Variants in TAP2 observed in about 807,000 individuals in gnomAD.
The protein encoded by TAP2 is transporter 2, ATP binding cassette subfamily B member, also known as antigen peptide transporter 2.
TAP2 carries 49 observed loss-of-function variants against 74.7 expected under a neutral mutation model. The ratio of observed to expected loss-of-function variants is 0.66; its 90% CI spans 0.52 to 0.83. The LOEUF is 0.83. Ranked by LOEUF, TAP2 falls within the 40% of genes least tolerant of loss-of-function variation. The pLI, the probability that TAP2 is intolerant of heterozygous loss-of-function variation, is 0.00. For synonymous variants in TAP2, 306 were observed against 368.4 expected (o/e 0.83, Z 1.94); for missense variants, 739 against 859.0 (o/e 0.86, Z 1.75).
rs1768781180 is a variant in TAP2, at chr6:32,828,214, T to C, written c.*692A>G. On this transcript the variant is annotated 3_prime_UTR_variant, in exon 12 of 12. Coordinates refer to ENST00000374897, the MANE Select transcript of TAP2 (RefSeq NM_001290043.2). ...GATAATGATTAAAAACGATAATACA[T>C]GAAAAACACTTAGCATAGCTCCTAC... is the stretch of plus-strand genomic sequence containing the variant. 2.1e-6 allele frequency: 2 copies of C among 958,856 alleles called. No homozygotes were observed. The highest frequency in any genetic ancestry group is 2.5e-6 in the Non-Finnish European group (2 of 806,078). 59.4% of individuals were successfully genotyped at this position (958,856 alleles called of 1,614,324 possible).
chr6:32,830,844 C>G, intron 7 of TAP2, 38 bp from the exon 8 acceptor site: 1 of 1,564,100 alleles, frequency 6.4e-7, no homozygotes. Context: ...TAATTAAACA[C>G]ACTTCTACCA....
At chr6:32,824,744 T>C (rs946219093), downstream of TAP2, among the ~76,000 whole-genome samples, 1 of 152,176 alleles carries the variant, frequency 6.6e-6, no homozygotes, top group Non-Finnish European at 1.5e-5. Context: ...TTACCAAATG[T>C]GGCAGCATCT....
Position 32,832,266 on chromosome 6 carries a change from CA to C in TAP2, c.1272+66del. Reference sequence around the variant, plus strand: ...ATTGTTAAAAAGAACAAATAAAGCCCAAGGCCCAGGAGTCCACAAAGAAAAA... The same window carrying C: ...ATTGTTAAAAAGAACAAATAAAGCCCAGGCCCAGGAGTCCACAAAGAAAAA... On this transcript the variant is annotated intron_variant, in intron 7 of 11. Coordinates refer to ENST00000374897, the MANE Select transcript of TAP2 (RefSeq NM_001290043.2). The surrounding 1 kb of genome is among the most constrained non-coding windows in gnomAD (Gnocchi z 5.9). 6.2e-7 allele frequency: 1 copy of C among 1,609,592 alleles called. No individual in the cohort carries two copies. Among genetic ancestry groups the C allele is most frequent in the Non-Finnish European group, 8.5e-7 (1 of 1,178,034 alleles).
rs17220171 is a variant in TAP2, at chr6:32,827,130, A to G, written c.*1776T>C. The G allele has an allele frequency of 0.01, 10,176 of 985,654 alleles. 461 individuals are homozygous for G. In the African/African-American group the frequency reaches 0.13, roughly 12 times the overall value. The allele number at this position is 985,654 out of a possible 1,614,324, so 61.1% of individuals were successfully genotyped here. A position where few individuals can be genotyped will look rare whatever the true frequency, so the allele number is the denominator to read the frequency against. On this transcript the variant is annotated 3_prime_UTR_variant, in exon 12 of 12. Coordinates refer to ENST00000374897, the MANE Select transcript of TAP2 (RefSeq NM_001290043.2). ...ACAGCTGCCAGGCAAGAAAAAATCC[A>G]AAACAGCAGTTCTGGGGAATTCATT...
In TAP2 at chr6:32,835,312, A is replaced by G; in HGVS notation, c.787T>C (p.Trp263Arg). ...AGCACATTGGCATTTAAAGGAAGCC[A>G]GTTACTCATCAGGGTGGTATCCGAG... ...LSSDTTLMSN[W>R]LPLNANVLLR... The change falls in exon 5 of 12, where the codon TGG becomes CGG. Residue 263 changes from tryptophan to arginine, a missense_variant. Coordinates refer to ENST00000374897, the MANE Select transcript of TAP2 (RefSeq NM_001290043.2). The surrounding 1 kb of genome is among the most constrained non-coding windows in gnomAD (Gnocchi z 4.0). The G allele has an allele frequency of 6.2e-7, 1 of 1,613,110 alleles. No individual in the cohort carries two copies. The highest frequency in any genetic ancestry group is 8.5e-7 in the Non-Finnish European group (1 of 1,180,028).
downstream of TAP2, among the ~76,000 whole-genome samples, chr6:32,824,709 A>G (rs1373716671): frequency 6.6e-6 from 1 of 152,076 alleles, no homozygotes; most frequent in African/African-American, 2.4e-5. Context: ...ATTAGTTAAA[A>G]GTCAGTCTTA....
Position 32,837,772 on chromosome 6 carries a change from G to A in TAP2, c.462C>T (p.Ala154=). Residue 154 remains alanine (A), a synonymous_variant, in exon 2 of 12, where the codon GCC becomes GCT. Coordinates refer to ENST00000374897, the MANE Select transcript of TAP2 (RefSeq NM_001290043.2). The part of the protein sequence containing the change: ...LSRPDLPLLV[A]AFFFLVLAVL... Reference sequence around the variant, plus strand: ...CAGCAAGGACAAGGAAGAAGAAGGCGGCAACGAGGAGAGGCAGGTCCGGCC... The same window carrying A: ...CAGCAAGGACAAGGAAGAAGAAGGCAGCAACGAGGAGAGGCAGGTCCGGCC... 6.2e-7 allele frequency: 1 copy of A among 1,614,152 alleles called. No homozygotes were observed. Among genetic ancestry groups the A allele is most frequent in the South Asian group, 1.1e-5 (1 of 91,080 alleles).
chr6:32,829,320 C>A, intron 11 of TAP2, 80 bp downstream of exon 11: 1 of 1,545,962 alleles, frequency 6.5e-7, no homozygotes, highest in Non-Finnish European at 8.7e-7. Flanking sequence ...CGTCCTCCCT[C>A]TGCCCAATTC....
chr6:32,824,267 T>C (rs1353326309), downstream of TAP2, among the ~76,000 whole-genome samples: 1 of 152,176 alleles, frequency 6.6e-6, no homozygotes, highest in Non-Finnish European at 1.5e-5. Flanking sequence ...ATTATCACTA[T>C]GTAATGGCTG....
In TAP2 at chr6:32,835,637, C is replaced by T. The variant is rs1209890704; in HGVS notation, c.739+6G>A. On this transcript the variant is annotated splice_donor_region_variant and intron_variant, in intron 4 of 11. Coordinates refer to ENST00000374897, the MANE Select transcript of TAP2 (RefSeq NM_001290043.2). The surrounding 1 kb of genome is among the most constrained non-coding windows in gnomAD (Gnocchi z 4.0). The stretch of plus-strand genomic sequence containing the variant: ...GGGAATCTCAGACCTGGACTCCAGG[C>T]CCCACCTGTCTTAGTCTCCTGGAAG... 3.7e-6 allele frequency: 6 copies of T among 1,613,030 alleles called. No homozygotes were observed. The highest frequency in any genetic ancestry group is 5.1e-6 in the Non-Finnish European group (6 of 1,180,008).
chr6:32,837,618 A>C lies in TAP2; in HGVS notation c.527T>G (p.Val176Gly). ...AAAATCACCTCCCAGGATGTCAATC[A>C]CACGACCAGAATAGTGAGGGATTAA... ...ETLIPHYSGR[V>G]IDILGGDFDP... The change falls in exon 3 of 12, where the codon GTG becomes GGG. Residue 176 changes from valine (V) to glycine (G), a missense_variant. Val to Gly is a moderately radical substitution (Grantham distance 109). Transcript: ENST00000374897. 1 of 1,614,142 alleles carries C rather than the reference A, an allele frequency of 6.2e-7. No homozygotes were observed. The highest frequency in any genetic ancestry group is 8.5e-7 in the Non-Finnish European group (1 of 1,180,006).
At position 32,825,925 on chromosome 6, in the gene TAP2, G is replaced by T; in HGVS notation, c.*2981C>A. 1.1e-6 allele frequency: 1 copy of T among 896,916 alleles called. No individual in the cohort carries two copies. Among genetic ancestry groups the T allele is most frequent in the Non-Finnish European group, 1.3e-6 (1 of 749,678 alleles). The allele number at this position is 896,916 out of a possible 1,614,324, so 55.6% of individuals were successfully genotyped here. A position where few individuals can be genotyped will look rare whatever the true frequency, so the allele number is the denominator to read the frequency against. On this transcript the variant is annotated 3_prime_UTR_variant, in exon 12 of 12. Transcript: ENST00000374897. ...ATTATCTTGAAAAATAAGGTAAGAAGACAGGTTTCAGATACTTGGCACAGC... is the reference window on the plus strand; with the variant it reads ...ATTATCTTGAAAAATAAGGTAAGAATACAGGTTTCAGATACTTGGCACAGC...
chr6:32,823,522 C>A (rs2857103), downstream of TAP2, among the ~76,000 whole-genome samples: 53,325 of 145,474 alleles, frequency 0.37, 9,650 homozygotes, highest in Admixed American at 0.43. Context: ...TTTTGTTTGC[C>A]TTCTCTTGTT....
intron 8 of TAP2, 56 bp from the exon 9 acceptor site, chr6:32,830,496 A>G (rs1441918121): frequency 6.3e-7 from 1 of 1,592,644 alleles, no homozygotes; most frequent in Non-Finnish European, 8.5e-7. Context: ...AAATCCCTCC[A>G]TTTCTCTTCT....
rs150583253 is a variant in TAP2, at chr6:32,837,608, G to A, written c.537C>T (p.Ile179=). The change falls in exon 3 of 12, where the codon ATC becomes ATT. Residue 179 remains isoleucine (I), a synonymous_variant. Coordinates refer to ENST00000374897, the MANE Select transcript of TAP2 (RefSeq NM_001290043.2). The stretch of plus-strand genomic sequence containing the variant: ...CATGGGGGTCAAAATCACCTCCCAG[G>A]ATGTCAATCACACGACCAGAATAGT... ...IPHYSGRVID[I]LGGDFDPHAF... 7.4e-5 allele frequency: 120 copies of A among 1,614,100 alleles called. No homozygotes were observed. In the African/African-American group the frequency reaches 1.2e-3, roughly 16 times the overall value.
chr6:32,833,094 C>A (rs13208583), intron 5 of TAP2, among the ~76,000 whole-genome samples: 1 of 152,032 alleles, frequency 6.6e-6, no homozygotes, highest in African/African-American at 2.4e-5. Flanking sequence ...GTGTCTGAAT[C>A]AGGAAAGAAG....
intron 7 of TAP2, among the ~76,000 whole-genome samples, chr6:32,831,544 C>CA (rs957887953): frequency 1.1e-4 from 16 of 151,694 alleles, no homozygotes; most frequent in Admixed American, 3.3e-4. Context: ...GGAAAAAGAC[C>CA]AAAAAAAACC....
At chr6:32,830,135 G>A (rs1251389312) in intron 9 of TAP2, 46 bp from the exon 10 acceptor site, 10 of 1,612,880 alleles carry the variant, frequency 6.2e-6, no homozygotes, top group Non-Finnish European at 7.6e-6. Flanking sequence ...AAACCCCCAA[G>A]GCAGGGGCCC....
At position 32,835,070 on chromosome 6, in the gene TAP2, G is replaced by A. The variant is rs910535539; in HGVS notation, c.945+84C>T. ...GCTGAGAAGAGAACATCTCTCTCTA[G>A]GGGATCCTCTAGCCACAAATGTGGA... On this transcript the variant is annotated intron_variant, in intron 5 of 11. Transcript: ENST00000374897. The surrounding 1 kb of genome is among the most constrained non-coding windows in gnomAD (Gnocchi z 4.0). 2.1e-6 allele frequency: 3 copies of A among 1,402,922 alleles called. No homozygotes were observed. The highest frequency in any genetic ancestry group is 2.8e-5 in the African/African-American group (2 of 70,342). 86.9% of individuals were successfully genotyped at this position (1,402,922 alleles called of 1,614,324 possible).
Sources: gnomAD v4.1 joint callset for allele counts (sites outside exome capture counted in the v4.1 genomes callset) on GRCh38, gnomAD v4.1.1 for gene constraint, Gnocchi (gnomAD v3.1) non-coding constraint, MANE v1.5 for transcripts, NCBI Gene and HGNC (gene_info 2026-07-23, HGNC 2026-07-21) for gene names.